Variants in SPATA13 observed in about 807,000 individuals in gnomAD.
The protein encoded by SPATA13 is spermatogenesis associated 13.
Under a neutral mutation model 104.0 loss-of-function variants are expected in SPATA13, and 50 were observed. That is an observed-to-expected ratio of 0.48 (90% confidence interval 0.38 to 0.61). The LOEUF is 0.61. Ranked by LOEUF, SPATA13 falls within the 20% of genes least tolerant of loss-of-function variation. The probability of loss-of-function intolerance (pLI) is 0.00; values close to 1 mark genes in which losing one functional copy is unlikely to be tolerated. For synonymous variants in SPATA13, 606 were observed against 667.5 expected (o/e 0.91, Z 1.42); for missense variants, 1,524 against 1,690.6 (o/e 0.90, Z 1.73).
intron 1 of SPATA13, among the ~76,000 whole-genome samples, chr13:24,222,517 T>C (rs955839998): frequency 1.3e-5 from 2 of 152,234 alleles, no homozygotes; most frequent in Admixed American, 1.3e-4. Context: ...TGTTGAATGA[T>C]ACCTAGATAT....
chr13:24,207,875 C>A (rs1870793462), intron 1 of SPATA13, among the ~76,000 whole-genome samples: 2 of 152,162 alleles, frequency 1.3e-5, no homozygotes, highest in African/African-American at 4.8e-5. Context: ...CTGTCACTTT[C>A]TATGGTGTGA....
At chr13:24,193,167 C>T (rs913350464) in intron 1 of SPATA13, among the ~76,000 whole-genome samples, 11 of 152,046 alleles carry the variant, frequency 7.2e-5, no homozygotes, top group East Asian at 1.9e-4. Flanking sequence ...GGCATGTGGG[C>T]GCTGGATGGA....
chr13:24,211,898 A>G (rs1233874497), intron 1 of SPATA13, among the ~76,000 whole-genome samples: 1 of 152,104 alleles, frequency 6.6e-6, no homozygotes, highest in Non-Finnish European at 1.5e-5. Context: ...TTTCTCTGGC[A>G]TTAGAGCATC....
chr13:24,160,610 G>A, upstream of SPATA13: 1 of 587,584 alleles, frequency 1.7e-6, no homozygotes, highest in Non-Finnish European at 2.1e-6. Context: ...GGCCGAGGGT[G>A]TGGCCTGAGG....
chr13:24,273,126 G>A (rs1175827544), intron 4 of SPATA13: 1 of 152,386 alleles, frequency 6.6e-6, no homozygotes, highest in Non-Finnish European at 1.5e-5. Context: ...GGCACTGTGG[G>A]ACAAGTCAAA....
chr13:24,222,840 G>T lies in SPATA13; in HGVS notation c.-90G>T. ...GCAGCCCGTGGCCACCCAGGAGCCCGATGTGCAAGGCAGGTGTGAGTGCCA... is the reference window on the plus strand; with the variant it reads ...GCAGCCCGTGGCCACCCAGGAGCCCTATGTGCAAGGCAGGTGTGAGTGCCA... On this transcript the variant is annotated 5_prime_UTR_variant, in exon 2 of 13. Transcript: ENST00000382108. 1 of 1,524,698 alleles carries T rather than the reference G, an allele frequency of 6.6e-7. No individual in the cohort carries two copies. Among genetic ancestry groups the T allele is most frequent in the Non-Finnish European group, 8.8e-7 (1 of 1,130,310 alleles). The allele number at this position is 1,524,698 out of a possible 1,614,324, so 94.4% of individuals were successfully genotyped here.
chr13:24,058,936 C>T lies in SPATA13; in HGVS notation c.-112+41235C>T, dbSNP rs182625880. Among the ~76,000 whole-genome samples, 4 of 150,516 alleles carry T rather than the reference C, an allele frequency of 2.7e-5. 1 individual carries two copies. The highest frequency in any genetic ancestry group is 2.0e-4 in the Admixed American group (3 of 15,060). The stretch of plus-strand genomic sequence containing the variant: ...CTGTCTCATGTAGACCTGTAAGCTC[C>T]AGGACAAGAGCCATGGTCTGTGTAT... On this transcript the variant is annotated intron_variant, in intron 3 of 14. Transcript: ENST00000424834.
chr13:24,222,787 G>A (rs1871667597), intron 1 of SPATA13, 32 bp from the exon 2 acceptor site: 1 of 1,489,194 alleles, frequency 6.7e-7, no homozygotes, highest in Non-Finnish European at 9.0e-7. Context: ...CGTGGGAAAT[G>A]GCTAAACCGC....
intron 1 of SPATA13, among the ~76,000 whole-genome samples, chr13:23,981,548 T>C (rs1289204058): frequency 6.6e-6 from 1 of 152,192 alleles, no homozygotes; most frequent in South Asian, 2.1e-4. Context: ...TACATTCTCA[T>C]TGTGAGATGC....
chr13:24,074,782 T>C, intron 3 of SPATA13, among the ~76,000 whole-genome samples: 1 of 152,324 alleles, frequency 6.6e-6, no homozygotes, highest in African/African-American at 2.4e-5. Flanking sequence ...CACAACCTCC[T>C]GTTAGCCAGC....
At chr13:24,067,366 A>T (rs1879001833) in intron 3 of SPATA13, among the ~76,000 whole-genome samples, 1 of 152,210 alleles carries the variant, frequency 6.6e-6, no homozygotes, top group African/African-American at 2.4e-5. Flanking sequence ...GTCAAGGATC[A>T]TAATTAGGTC....
chr13:23,989,314 C>G (rs144884978), intron 2 of SPATA13, among the ~76,000 whole-genome samples: 122 of 151,798 alleles, frequency 8.0e-4, no homozygotes, highest in African/African-American at 2.9e-3. Context: ...CCCAGCTACT[C>G]AGGAGGCTGA....
At chr13:24,284,837 A>G (rs2039924) in intron 5 of SPATA13, among the ~76,000 whole-genome samples, 151,222 of 152,270 alleles carry the variant, frequency 0.99, 75,102 homozygotes, top group Middle Eastern at 1. Context: ...CCACTATCTC[A>G]TGTAATTCTC....
intron 1 of SPATA13, among the ~76,000 whole-genome samples, chr13:24,180,332 G>C (rs993948828): frequency 2.6e-5 from 4 of 152,140 alleles, no homozygotes; most frequent in African/African-American, 9.7e-5. Context: ...TGAACCTTTA[G>C]TTCTATTTTC....
chr13:24,152,308 G>T (rs1192325098), intron 3 of SPATA13, among the ~76,000 whole-genome samples: 1 of 152,206 alleles, frequency 6.6e-6, no homozygotes, highest in Non-Finnish European at 1.5e-5. Context: ...ATTCATGAGG[G>T]TGGACACAAG....
intron 12 of SPATA13, among the ~76,000 whole-genome samples, chr13:24,301,580 G>A (rs796965457): frequency 1.1e-4 from 17 of 152,318 alleles, no homozygotes; most frequent in African/African-American, 3.9e-4. Context: ...GACTGCTGAC[G>A]TTCACAGGTG....
At chr13:24,275,063 C>A (rs1874877449) in intron 4 of SPATA13, among the ~76,000 whole-genome samples, 1 of 152,052 alleles carries the variant, frequency 6.6e-6, no homozygotes, top group Admixed American at 6.5e-5. Context: ...TTCCTGATGT[C>A]TTCTCTAACT....
rs1227503075 is a variant in SPATA13, at chr13:24,224,353, A to G, written c.1424A>G (p.Gln475Arg). The G allele has an allele frequency of 6.5e-7, 1 of 1,548,558 alleles. No individual in the cohort carries two copies. Among genetic ancestry groups the G allele is most frequent in the East Asian group, 2.4e-5 (1 of 40,918 alleles). ...ACCACACCCAAGCCCCAGAGCCCTCAGAGCCCCCAGAGCCCCGGGGCAGGA... is the reference window on the plus strand; with the variant it reads ...ACCACACCCAAGCCCCAGAGCCCTCGGAGCCCCCAGAGCCCCGGGGCAGGA... Reference protein sequence around the residue: ...RPTTPKPQSPQSPQSPGAGSA... With the variant: ...RPTTPKPQSPRSPQSPGAGSA... Residue 475 changes from glutamine to arginine, a missense_variant, in exon 2 of 13, where the codon CAG (glutamine) becomes CGG (arginine). By Grantham distance (43) the Gln-to-Arg change is conservative. Coordinates refer to ENST00000382108, the MANE Select transcript of SPATA13 (RefSeq NM_001166271.3).
chr13:24,133,670 C>A (rs1423081042), intron 3 of SPATA13, among the ~76,000 whole-genome samples: 1 of 152,170 alleles, frequency 6.6e-6, no homozygotes, highest in East Asian at 1.9e-4. Flanking sequence ...GGAGGCCCAG[C>A]TGAGCTGAGC....
Sources: allele counts gnomAD v4.1 joint callset (sites outside exome capture counted in the v4.1 genomes callset), GRCh38; gene constraint gnomAD v4.1.1; transcripts MANE v1.5; gene names NCBI Gene and HGNC (gene_info 2026-07-23, HGNC 2026-07-21).